Variants in SPAG16 observed in about 807,000 individuals in gnomAD.
SPAG16 encodes sperm associated antigen 16, also known as sperm-associated antigen 16 protein.
A neutral mutation model predicts 80.4 loss-of-function variants in SPAG16; 86 were observed. The observed-to-expected ratio is 1.07, with a 90% CI of 0.90 to 1.28. SPAG16 has a LOEUF of 1.28. Ranked by LOEUF, SPAG16 falls within the 50% of genes most tolerant of loss-of-function variation. SPAG16 has a pLI of 0.00. For missense variants in SPAG16, 870 were observed against 765.3 expected (o/e 1.14, Z -1.61); for synonymous variants, 294 against 265.9 (o/e 1.11, Z -1.03).
chr2:214,198,128 C>A (rs1405052940), intron 15 of SPAG16, among the ~76,000 whole-genome samples: 1 of 151,746 alleles, frequency 6.6e-6, no homozygotes, highest in Non-Finnish European at 1.5e-5. Context: ...TGGGGTATAG[C>A]TGGTATTTGG....
chr2:214,316,188 G>A (rs947412812), intron 15 of SPAG16, among the ~76,000 whole-genome samples: 3 of 150,762 alleles, frequency 2.0e-5, no homozygotes, highest in Admixed American at 2.0e-4. Flanking sequence ...TGAACCTCAA[G>A]TGTCTTAATA....
intron 10 of SPAG16, among the ~76,000 whole-genome samples, chr2:213,618,984 TA>T (rs142276017): frequency 0.013 from 1,971 of 152,334 alleles, 18 homozygotes; most frequent in South Asian, 0.036. Flanking sequence ...TTAAACATTT[TA>T]TTTTAAAACA....
At chr2:214,199,895 G>T (rs1006780863) in intron 15 of SPAG16, among the ~76,000 whole-genome samples, 1 of 152,020 alleles carries the variant, frequency 6.6e-6, no homozygotes, top group Non-Finnish European at 1.5e-5. Context: ...GATTTGGGTC[G>T]CAGCTTGGTC....
chr2:214,140,656 G>C (rs1306131130), intron 14 of SPAG16, among the ~76,000 whole-genome samples: 1 of 151,782 alleles, frequency 6.6e-6, no homozygotes, highest in Non-Finnish European at 1.5e-5. Flanking sequence ...ATACCTTGTG[G>C]CTAGAGTATT....
intron 11 of SPAG16, among the ~76,000 whole-genome samples, chr2:213,899,978 C>G (rs555291792): frequency 6.6e-6 from 1 of 152,142 alleles, no homozygotes; most frequent in Non-Finnish European, 1.5e-5. Flanking sequence ...AGTACCAAAG[C>G]AGAGATTGCG....
At chr2:213,473,764 A>G (rs1014997606) in intron 9 of SPAG16, among the ~76,000 whole-genome samples, 2 of 152,154 alleles carry the variant, frequency 1.3e-5, no homozygotes, top group African/African-American at 2.4e-5. Context: ...CTTAATATCC[A>G]TTCCCATGCC....
intron 12 of SPAG16, among the ~76,000 whole-genome samples, chr2:213,955,092 T>C (rs2044053038): frequency 6.6e-6 from 1 of 152,152 alleles, no homozygotes; most frequent in Admixed American, 6.5e-5. Flanking sequence ...TTTTTTCCTA[T>C]TTTCTGGCTC....
At chr2:213,638,187 A>G (rs766538836) in intron 10 of SPAG16, among the ~76,000 whole-genome samples, 1 of 152,076 alleles carries the variant, frequency 6.6e-6, no homozygotes, top group Non-Finnish European at 1.5e-5. Context: ...TATCTTTTCA[A>G]TAAACTAGCT....
chr2:214,052,865 A>G (rs953028415), intron 13 of SPAG16, among the ~76,000 whole-genome samples: 1 of 152,208 alleles, frequency 6.6e-6, no homozygotes, highest in Admixed American at 6.6e-5. Flanking sequence ...ACTTTCTATA[A>G]AACATCCTTT....
At chr2:213,948,523 A>G (rs2079568495) in intron 12 of SPAG16, among the ~76,000 whole-genome samples, 1 of 152,130 alleles carries the variant, frequency 6.6e-6, no homozygotes, top group Admixed American at 6.5e-5. Context: ...TTTGATGCAG[A>G]TGCTTTGCTG....
chr2:213,744,500 T>C (rs965018844), intron 10 of SPAG16, among the ~76,000 whole-genome samples: 1 of 152,178 alleles, frequency 6.6e-6, no homozygotes, highest in Non-Finnish European at 1.5e-5. Context: ...TAGTGAGATA[T>C]TTATACATGT....
At chr2:213,778,516 A>G (rs1179203427) in intron 10 of SPAG16, among the ~76,000 whole-genome samples, 1 of 152,044 alleles carries the variant, frequency 6.6e-6, no homozygotes, top group East Asian at 1.9e-4. Context: ...TTTCATCTCT[A>G]TTATATCTTC....
intron 10 of SPAG16, among the ~76,000 whole-genome samples, chr2:213,572,679 T>A (rs2059958631): frequency 6.6e-6 from 1 of 152,032 alleles, no homozygotes; most frequent in Admixed American, 6.6e-5. Context: ...CAGAGGTTAC[T>A]GCTGTCTTTT....
chr2:213,944,905 G>A (rs1848913), intron 12 of SPAG16, among the ~76,000 whole-genome samples: 25,804 of 151,936 alleles, frequency 0.17, 3,183 homozygotes, highest in African/African-American at 0.35. Context: ...GGGCGTGGGG[G>A]CGTGCACCTG....
intron 11 of SPAG16, among the ~76,000 whole-genome samples, chr2:213,905,093 A>G (rs933565634): frequency 5.3e-5 from 8 of 152,220 alleles, no homozygotes; most frequent in Admixed American, 5.2e-4. Flanking sequence ...GTCCACTAAC[A>G]TGATTTTGTG....
chr2:213,818,915 C>T (rs1018839539), intron 10 of SPAG16, among the ~76,000 whole-genome samples: 11 of 152,168 alleles, frequency 7.2e-5, no homozygotes, highest in Non-Finnish European at 1.6e-4. Context: ...GAAGCCTCCC[C>T]CGCCATGTGA....
intron 15 of SPAG16, among the ~76,000 whole-genome samples, chr2:214,272,313 T>C (rs1287129137): frequency 6.6e-6 from 1 of 152,166 alleles, no homozygotes; most frequent in Non-Finnish European, 1.5e-5. Context: ...TTTTTTATTA[T>C]ACTTTAAGTT....
At chr2:213,838,404 C>T (rs957572647) in intron 10 of SPAG16, among the ~76,000 whole-genome samples, 2 of 152,138 alleles carry the variant, frequency 1.3e-5, no homozygotes, top group Admixed American at 6.5e-5. Flanking sequence ...AACTCCTGAC[C>T]TCAGGTAATC....
intron 12 of SPAG16, among the ~76,000 whole-genome samples, chr2:213,931,117 T>A (rs1457670629): frequency 6.6e-6 from 1 of 152,190 alleles, no homozygotes; most frequent in Non-Finnish European, 1.5e-5. Context: ...TTTAGTTACT[T>A]AGTTAGCAAC....
Sources: allele counts gnomAD v4.1 joint callset (sites outside exome capture counted in the v4.1 genomes callset), GRCh38; gene constraint gnomAD v4.1.1; transcripts MANE v1.5; gene names NCBI Gene and HGNC (gene_info 2026-07-23, HGNC 2026-07-21).